ATM: variants seen among roughly 807,000 people sequenced by gnomAD.
ATM encodes the protein serine-protein kinase ATM.
In ATM, 308 loss-of-function variants were observed where a neutral mutation model predicts 387.0. That is an observed-to-expected ratio of 0.80 (90% confidence interval 0.73 to 0.87). The LOEUF (loss-of-function observed/expected upper bound fraction) is 0.87. Among genes scored for constraint, ATM ranks in the 40% least tolerant of loss-of-function variants. ATM has a pLI of 0.00. For missense variants in ATM, 3,312 were observed against 3,560.9 expected, an observed-to-expected ratio of 0.93 and a Z score of 1.78; for synonymous variants, 1,156 against 1,187.3, an observed-to-expected ratio of 0.97 and a Z score of 0.54.
At position 108,227,685 on chromosome 11, in the gene ATM, A is replaced by G. The variant is rs1565344141; in HGVS notation, c.61A>G (p.Thr21Ala). 3 of 1,613,836 alleles carry G rather than the reference A, an allele frequency of 1.9e-6. No individual in the cohort carries two copies. The highest frequency in any genetic ancestry group is 2.5e-6 in the Non-Finnish European group (3 of 1,179,834). Residue 21 changes from threonine (T) to alanine (A), a missense_variant, in exon 2 of 63, where the codon ACA (threonine) becomes GCA (alanine). Physicochemically the swap from Thr to Ala is moderately conservative, Grantham distance 58 (BLOSUM62 0). This residue lies in a region of ATM where 1,791 missense variants were observed against 1,804.5 expected (regional missense o/e 0.99). Transcript: ENST00000675843. Reference protein sequence around the residue: ...CCRQLEHDRATERKKEVEKFK... With the variant: ...CCRQLEHDRAAERKKEVEKFK... Reference sequence around the variant, plus strand: ...CCGTCAACTAGAACATGATAGAGCTACAGAACGAAAGGTAGTAAATTACTT... The same window carrying G: ...CCGTCAACTAGAACATGATAGAGCTGCAGAACGAAAGGTAGTAAATTACTT...
At chr11:108,263,880 G>T (rs1406782559) in intron 16 of ATM, among the ~76,000 whole-genome samples, 2 of 150,772 alleles carry the variant, frequency 1.3e-5, no homozygotes, top group African/African-American at 2.5e-5. Flanking sequence ...AGAAAATCTA[G>T]AAGAAATGGA....
chr11:108,354,123 T>C (rs931430905), intron 60 of ATM, among the ~76,000 whole-genome samples: 4 of 151,482 alleles, frequency 2.6e-5, no homozygotes, highest in African/African-American at 9.8e-5. Flanking sequence ...GAGATTTGTA[T>C]AGATTATAGA....
Position 108,253,871 on chromosome 11 carries a change from T to C in ATM, c.1956T>C (p.Phe652=). 6.2e-7 allele frequency: 1 copy of C among 1,614,040 alleles called. No individual in the cohort carries two copies. The highest frequency in any genetic ancestry group is 8.5e-7 in the Non-Finnish European group (1 of 1,179,962). ...ELSFSEVEEL[F]LQTTFDKMDF... is the part of the protein sequence containing the mutation. ...CATTCTCAGAAGTAGAAGAACTATT[T>C]CTTCAGACAACTTTTGACAAGATGG... is the stretch of plus-strand genomic sequence containing the variant. Residue 652 remains phenylalanine, a synonymous_variant, in exon 13 of 63, where the codon TTT becomes TTC. Coordinates refer to ENST00000675843, the MANE Select transcript of ATM (RefSeq NM_000051.4).
Position 108,250,958 on chromosome 11 carries a change from A to G in ATM, c.1493A>G (p.Glu498Gly), listed in dbSNP as rs1373744790. The G allele has an allele frequency of 1.2e-6, 2 of 1,614,180 alleles. No homozygotes were observed. Among genetic ancestry groups the G allele is most frequent in the East Asian group, 4.5e-5 (2 of 44,878 alleles). Residue 498 changes from glutamate to glycine, a missense_variant, in exon 10 of 63, where the codon GAG (glutamate) becomes GGG (glycine). Physicochemically the swap from Glu to Gly is moderately conservative, Grantham distance 98 (BLOSUM62 -2). This residue lies in a region of ATM where 1,791 missense variants were observed against 1,804.5 expected (regional missense o/e 0.99). Transcript: ENST00000675843. ...WCITFRGISS[E>G]QIQAENFGLL... is the part of the protein sequence containing the mutation. The stretch of plus-strand genomic sequence containing the variant: ...ATTACCTTTCGTGGTATAAGTTCTG[A>G]GCAAATACAAGCTGAAAACTTTGGC...
chr11:108,356,540 T>TA (rs374615780), intron 61 of ATM, among the ~76,000 whole-genome samples: 15,725 of 97,500 alleles, frequency 0.16, 1,222 homozygotes, highest in Non-Finnish European at 0.21. Flanking sequence ...CTGTCTGTCT[T>TA]AAAAAAAAAA....
chr11:108,248,571 A>G (rs2079966781), intron 8 of ATM, among the ~76,000 whole-genome samples: 1 of 152,130 alleles, frequency 6.6e-6, no homozygotes, highest in Non-Finnish European at 1.5e-5. Context: ...CCCTAATGAA[A>G]TATTAGAAGA....
chr11:108,299,767 G>T lies in ATM; in HGVS notation c.5059G>T (p.Ala1687Ser), dbSNP rs1555104597. ...EVGPIDFSTIAIQHSKDASYT... is the reference protein window; with the variant it reads ...EVGPIDFSTISIQHSKDASYT... Reference sequence around the variant, plus strand: ...GGGTCCTATAGATTTCTCTACCATAGCTATACAACATAGTAAAGATGCATC... The same window carrying T: ...GGGTCCTATAGATTTCTCTACCATATCTATACAACATAGTAAAGATGCATC... Residue 1687 changes from alanine (A) to serine (S), a missense_variant, in exon 34 of 63, where the codon GCT (alanine) becomes TCT (serine). By Grantham distance (99) the Ala-to-Ser change is moderately conservative (BLOSUM62 1). Around this residue, in one of 4 missense-constraint regions of ATM, gnomAD observed 1,405 missense variants for 1,604.4 expected, o/e 0.88. Transcript: ENST00000675843. 1.2e-6 allele frequency: 2 copies of T among 1,613,920 alleles called. No individual in the cohort carries two copies. The highest frequency in any genetic ancestry group is 1.7e-6 in the Non-Finnish European group (2 of 1,179,944).
chr11:108,302,315 T>G (rs1178509564), intron 35 of ATM, among the ~76,000 whole-genome samples: 1 of 152,154 alleles, frequency 6.6e-6, no homozygotes, highest in African/African-American at 2.4e-5. Flanking sequence ...TACTATCTTC[T>G]TTTCATAAAG....
Position 108,248,787 on chromosome 11 carries a change from C to G in ATM, c.1066-146C>G, listed in dbSNP as rs570851421. ...CCTGTAATCCCAGCTACTCGGGAGGCTGAGGCAGGAGAATCACTTGAACCT... is the reference window on the plus strand; with the variant it reads ...CCTGTAATCCCAGCTACTCGGGAGGGTGAGGCAGGAGAATCACTTGAACCT... On this transcript the variant is annotated intron_variant, in intron 8 of 62. Coordinates refer to ENST00000675843, the MANE Select transcript of ATM (RefSeq NM_000051.4). The G allele has an allele frequency of 4.6e-6, 3 of 651,714 alleles. No individual in the cohort carries two copies. In the Admixed American group the frequency reaches 8.8e-5, roughly 19 times the overall value. 40.4% of individuals were successfully genotyped at this position (651,714 alleles called of 1,614,324 possible).
chr11:108,241,106 T>C (rs993347748), intron 5 of ATM, among the ~76,000 whole-genome samples: 3 of 152,322 alleles, frequency 2.0e-5, no homozygotes, highest in African/African-American at 7.2e-5. Flanking sequence ...ACACATGAGC[T>C]TAGGCCTACA....
intron 61 of ATM, among the ~76,000 whole-genome samples, chr11:108,363,028 A>G (rs999199179): frequency 2.6e-5 from 4 of 152,164 alleles, no homozygotes; most frequent in African/African-American, 9.7e-5. Flanking sequence ...TGTATTTTAC[A>G]CTCATCTACC....
At chr11:108,229,464 T>C (rs2078906960) in intron 4 of ATM, 141 bp downstream of exon 4, 2 of 826,150 alleles carry the variant, frequency 2.4e-6, no homozygotes, top group Non-Finnish European at 3.7e-6. Flanking sequence ...TGAGTGTAAG[T>C]ACATATAATG....
At chr11:108,336,840 CTT>C (rs1277127704) in intron 56 of ATM, among the ~76,000 whole-genome samples, 1 of 152,128 alleles carries the variant, frequency 6.6e-6, no homozygotes, top group Non-Finnish European at 1.5e-5. Flanking sequence ...ATCTTTGACT[CTT>C]ATATTAATTA....
At chr11:108,234,583 T>A (rs1285489943) in intron 4 of ATM, among the ~76,000 whole-genome samples, 1 of 152,162 alleles carries the variant, frequency 6.6e-6, no homozygotes, top group Non-Finnish European at 1.5e-5. Flanking sequence ...ATACCTATAG[T>A]CTCAGCACTT....
At chr11:108,356,995 GCAGAAGA>G (rs1481453552) in intron 61 of ATM, among the ~76,000 whole-genome samples, 3 of 152,200 alleles carry the variant, frequency 2.0e-5, no homozygotes, top group Non-Finnish European at 2.9e-5. Context: ...CGTGAGCGAT[GCAGAAGA>G]CAGGTGATTT....
chr11:108,366,962 C>A lies in ATM; in HGVS notation c.*1454C>A. 1 of 214,146 alleles carries A rather than the reference C, an allele frequency of 4.7e-6. No homozygotes were observed. The highest frequency in any genetic ancestry group is 1.5e-3 in the Middle Eastern group (1 of 672). The allele number at this position is 214,146 out of a possible 1,614,324, so 13.3% of individuals were successfully genotyped here. ...TTCCAGGACAGCTACAGCATCAGCT[C>A]ACATATTCACCTCTCTGGTTTTTCA... On this transcript the variant is annotated 3_prime_UTR_variant, in exon 63 of 63. Coordinates refer to ENST00000675843, the MANE Select transcript of ATM (RefSeq NM_000051.4).
At position 108,327,726 on chromosome 11, in the gene ATM, C is replaced by A. The variant is rs1591142717; in HGVS notation, c.7057C>A (p.Pro2353Thr). The change falls in exon 48 of 63, where the codon CCT becomes ACT. Residue 2353 changes from proline (P) to threonine (T), a missense_variant. Around this residue, in one of 4 missense-constraint regions of ATM, gnomAD observed 1,405 missense variants for 1,604.4 expected, o/e 0.88. Coordinates refer to ENST00000675843, the MANE Select transcript of ATM (RefSeq NM_000051.4). ...NWLAETCLEN[P>T]AVIMQTYLEK... ...GTTAGCAGAAACGTGCTTAGAAAATCCTGCGGTCATCATGCAGACCTATCT... is the reference window on the plus strand; with the variant it reads ...GTTAGCAGAAACGTGCTTAGAAAATACTGCGGTCATCATGCAGACCTATCT... The A allele has an allele frequency of 6.2e-7, 1 of 1,613,956 alleles. No homozygotes were observed. The highest frequency in any genetic ancestry group is 8.5e-7 in the Non-Finnish European group (1 of 1,179,940).
chr11:108,327,512 T>C, intron 47 of ATM, 133 bp from the exon 48 acceptor site: 1 of 681,458 alleles, frequency 1.5e-6, no homozygotes, highest in Admixed American at 2.2e-5. Context: ...CAAAAGCAGA[T>C]GAGGAAAAAC....
At position 108,264,592 on chromosome 11, in the gene ATM, C is replaced by T. The variant is rs546555439; in HGVS notation, c.2467-2579C>T. Among the ~76,000 whole-genome samples, 23 of 149,664 alleles carry T rather than the reference C, an allele frequency of 1.5e-4. No individual in the cohort carries two copies. In the East Asian group the frequency reaches 4.3e-3, roughly 28 times the overall value. Reference sequence around the variant, plus strand: ...GGCACAAGACAGGGATGCCCTCTCTCACCACTCCTATTCAACATAGTGTTG... The same window carrying T: ...GGCACAAGACAGGGATGCCCTCTCTTACCACTCCTATTCAACATAGTGTTG... On this transcript the variant is annotated intron_variant, in intron 16 of 62. Transcript: ENST00000675843.
Sources: allele counts gnomAD v4.1 joint callset (sites outside exome capture counted in the v4.1 genomes callset), GRCh38; gene constraint gnomAD v4.1.1; regional missense constraint gnomAD v4.1.1; transcripts MANE v1.5; gene names NCBI Gene and HGNC (gene_info 2026-07-23, HGNC 2026-07-21).